GPC6: variants seen among roughly 807,000 people sequenced by gnomAD.
GPC6 encodes glypican-6.
A neutral mutation model predicts 55.2 loss-of-function variants in GPC6; 14 were observed. That is an observed-to-expected ratio of 0.25 (90% CI 0.17 to 0.40). The LOEUF is 0.40. Ranked by LOEUF, GPC6 falls within the 10% of genes least tolerant of loss-of-function variation. The pLI is 1.00. For missense variants in GPC6, 641 were observed against 708.5 expected (o/e 0.90, Z 1.08); for synonymous variants, 278 against 259.6 (o/e 1.07, Z -0.68).
chr13:94,224,155 G>T (rs1890473756), intron 4 of GPC6, among the ~76,000 whole-genome samples: 1 of 151,730 alleles, frequency 6.6e-6, no homozygotes, highest in South Asian at 2.1e-4. Flanking sequence ...AAACATGTGT[G>T]TTAGATAAGC....
intron 3 of GPC6, among the ~76,000 whole-genome samples, chr13:93,907,483 T>TG (rs777731662): frequency 2.0e-5 from 3 of 152,186 alleles, no homozygotes; most frequent in Non-Finnish European, 4.4e-5. Context: ...CCTTAATCAC[T>TG]TATTTTTAAA....
chr13:93,667,223 A>G (rs758805917), intron 2 of GPC6, among the ~76,000 whole-genome samples: 2 of 152,180 alleles, frequency 1.3e-5, no homozygotes, highest in Non-Finnish European at 2.9e-5. Context: ...AGGATTATTG[A>G]CATAACAGAA....
intron 1 of GPC6, among the ~76,000 whole-genome samples, chr13:93,382,202 A>G (rs1038047074): frequency 3.3e-5 from 5 of 152,168 alleles, no homozygotes; most frequent in Admixed American, 3.3e-4. Flanking sequence ...GTCAGCATGC[A>G]TAACTGTTCA....
intron 1 of GPC6, among the ~76,000 whole-genome samples, chr13:93,252,412 CCTGA>C (rs752707518): frequency 8.5e-5 from 13 of 152,306 alleles, no homozygotes; most frequent in Admixed American, 5.2e-4. Context: ...TACTTTTCTT[CCTGA>C]CTAATTTGAT....
intron 1 of GPC6, among the ~76,000 whole-genome samples, chr13:93,398,736 G>A (rs1875955864): frequency 6.6e-6 from 1 of 152,094 alleles, no homozygotes; most frequent in Non-Finnish European, 1.5e-5. Context: ...ACCCTCGAGA[G>A]GCAGAGAGTT....
chr13:94,033,591 C>T (rs1046580381), intron 4 of GPC6, among the ~76,000 whole-genome samples: 1 of 152,120 alleles, frequency 6.6e-6, no homozygotes, highest in East Asian at 1.9e-4. Context: ...GCAGAAGGAA[C>T]GATTTCAAGC....
chr13:93,293,244 GA>G (rs531220396), intron 1 of GPC6, among the ~76,000 whole-genome samples: 103 of 151,558 alleles, frequency 6.8e-4, no homozygotes, highest in Non-Finnish European at 1.3e-3. Flanking sequence ...GTATTAGGGG[GA>G]AAAAAACAAT....
At chr13:93,740,130 G>A (rs1884151730) in intron 2 of GPC6, among the ~76,000 whole-genome samples, 1 of 152,178 alleles carries the variant, frequency 6.6e-6, no homozygotes. Context: ...CAGTAAGACA[G>A]TTGTAAAACA....
At chr13:94,055,786 C>T (rs983747658) in intron 4 of GPC6, among the ~76,000 whole-genome samples, 1 of 152,134 alleles carries the variant, frequency 6.6e-6, no homozygotes, top group Non-Finnish European at 1.5e-5. Context: ...AAGACAAGTG[C>T]CCTTTTCCTA....
intron 4 of GPC6, among the ~76,000 whole-genome samples, chr13:94,271,326 G>A (rs1175412082): frequency 1.3e-5 from 2 of 150,264 alleles, no homozygotes; most frequent in African/African-American, 4.9e-5. Context: ...TGGAGCAGAC[G>A]GTGATTCCCT....
At chr13:93,395,454 T>C in intron 1 of GPC6, 1 of 231,604 alleles carries the variant, frequency 4.3e-6, no homozygotes, top group Non-Finnish European at 8.6e-6. Context: ...TCTTGGTCAA[T>C]CATTATTTCA....
At chr13:94,161,867 G>A (rs1266021334) in intron 4 of GPC6, among the ~76,000 whole-genome samples, 1 of 152,088 alleles carries the variant, frequency 6.6e-6, no homozygotes, top group Non-Finnish European at 1.5e-5. Flanking sequence ...CATGGCTGGG[G>A]GCCTCACAAT....
At chr13:94,087,922 G>A (rs929301486) in intron 4 of GPC6, among the ~76,000 whole-genome samples, 5 of 152,102 alleles carry the variant, frequency 3.3e-5, no homozygotes, top group Non-Finnish European at 7.4e-5. Flanking sequence ...TGTGGACATG[G>A]GTACCAGCCT....
intron 4 of GPC6, among the ~76,000 whole-genome samples, chr13:94,189,191 C>G (rs762909801): frequency 6.6e-6 from 1 of 152,052 alleles, no homozygotes; most frequent in Non-Finnish European, 1.5e-5. Context: ...TCTTTGTTTT[C>G]TGCTTGGTAA....
intron 1 of GPC6, among the ~76,000 whole-genome samples, chr13:93,281,714 G>A (rs1349364263): frequency 1.3e-5 from 2 of 152,182 alleles, no homozygotes; most frequent in Non-Finnish European, 2.9e-5. Context: ...CTACTTGGGA[G>A]GCTGAGGCAG....
intron 1 of GPC6, among the ~76,000 whole-genome samples, chr13:93,421,338 A>G (rs536231787): frequency 2.0e-5 from 3 of 152,246 alleles, no homozygotes; most frequent in Admixed American, 2.0e-4. Context: ...TTGGCTCATG[A>G]ACTTCATTTT....
intron 5 of GPC6, among the ~76,000 whole-genome samples, chr13:94,288,961 A>AGATCGATC (rs141085904): frequency 8.4e-5 from 11 of 131,148 alleles, no homozygotes; most frequent in African/African-American, 2.9e-4. Flanking sequence ...ATATATAGAT[A>AGATCGATC]GATAGATAGA....
chr13:93,756,237 A>C (rs1185372866), intron 2 of GPC6, among the ~76,000 whole-genome samples: 1 of 152,184 alleles, frequency 6.6e-6, no homozygotes, highest in Non-Finnish European at 1.5e-5. Context: ...GTTTAGGATT[A>C]AATTGCACAC....
intron 1 of GPC6, among the ~76,000 whole-genome samples, chr13:93,445,608 G>A (rs1170709714): frequency 2.0e-5 from 3 of 152,158 alleles, no homozygotes; most frequent in African/African-American, 7.2e-5. Context: ...CTTTCACCAT[G>A]TTCCTACCAT....
Sources: gnomAD v4.1 joint callset for allele counts (sites outside exome capture counted in the v4.1 genomes callset) on GRCh38, gnomAD v4.1.1 for gene constraint, MANE v1.5 for transcripts, NCBI Gene and HGNC (gene_info 2026-07-23, HGNC 2026-07-21) for gene names.